Variants in CD274 observed in about 807,000 individuals in gnomAD.
The protein encoded by CD274 is programmed cell death 1 ligand 1.
Under a neutral mutation model 30.1 loss-of-function variants are expected in CD274, and 8 were observed. The observed-to-expected ratio is 0.27, with a 90% CI of 0.16 to 0.48. The LOEUF is 0.48. Among genes scored for constraint, CD274 ranks in the 20% least tolerant of loss-of-function variants. The pLI, the probability that CD274 is intolerant of heterozygous loss-of-function variation, is 0.99. For missense variants in CD274, 353 were observed against 346.6 expected (o/e 1.02, Z -0.15); for synonymous variants, 152 against 124.6 (o/e 1.22, Z -1.46).
chr9:5,455,617 A>G (rs988644653), intron 1 of CD274, among the ~76,000 whole-genome samples: 1 of 152,202 alleles, frequency 6.6e-6, no homozygotes, highest in Non-Finnish European at 1.5e-5. Context: ...CATGGCTGAG[A>G]CAGTGAAGTG....
chr9:5,451,801 G>C (rs992623017), intron 1 of CD274, among the ~76,000 whole-genome samples: 1 of 152,052 alleles, frequency 6.6e-6, no homozygotes, highest in African/African-American at 2.4e-5. Flanking sequence ...ACTTAGTAGA[G>C]GTTTAATAAA....
intron 6 of CD274, among the ~76,000 whole-genome samples, 168 bp from the exon 7 acceptor site, chr9:5,467,672 G>C (rs1819519699): frequency 6.6e-6 from 1 of 152,120 alleles, no homozygotes; most frequent in African/African-American, 2.4e-5. Context: ...GGTTTTCCAG[G>C]ATATCATGTA....
intron 5 of CD274, 196 bp downstream of exon 5, chr9:5,465,802 G>C (rs746707123): frequency 5.7e-5 from 25 of 440,002 alleles, no homozygotes; most frequent in Non-Finnish European, 9.0e-5. Flanking sequence ...CAGGAGAATG[G>C]GTATGGATGG....
intron 4 of CD274, among the ~76,000 whole-genome samples, chr9:5,464,866 C>T (rs1819469612): frequency 6.6e-6 from 1 of 152,116 alleles, no homozygotes; most frequent in Non-Finnish European, 1.5e-5. Flanking sequence ...GTGGGCAGAT[C>T]ACTTGAGGTC....
chr9:5,452,821 A>G (rs1208999089), intron 1 of CD274, among the ~76,000 whole-genome samples: 2 of 152,224 alleles, frequency 1.3e-5, no homozygotes, highest in Non-Finnish European at 2.9e-5. Context: ...AACATTGGCA[A>G]AATTAGTTGT....
In CD274 at chr9:5,469,120, A is replaced by T. The variant is rs1457310340; in HGVS notation, c.*1258A>T. On this transcript the variant is annotated 3_prime_UTR_variant, in exon 7 of 7. Coordinates refer to ENST00000381577, the MANE Select transcript of CD274 (RefSeq NM_014143.4). Reference sequence around the variant, plus strand: ...TTGGATATACTTAAACATCTTAATAATCAGAGTAATTTTCATTTACAAAGA... The same window carrying T: ...TTGGATATACTTAAACATCTTAATATTCAGAGTAATTTTCATTTACAAAGA... 1 of 233,062 alleles carries T rather than the reference A, an allele frequency of 4.3e-6. No homozygotes were observed. The highest frequency in any genetic ancestry group is 2.2e-5 in the African/African-American group (1 of 45,358). 14.4% of individuals were successfully genotyped at this position (233,062 alleles called of 1,614,324 possible). A position where few individuals can be genotyped will look rare whatever the true frequency, so the allele number is the denominator to read the frequency against.
At chr9:5,451,408 A>G (rs577745682) in intron 1 of CD274, among the ~76,000 whole-genome samples, 3 of 152,360 alleles carry the variant, frequency 2.0e-5, no homozygotes, top group Non-Finnish European at 4.4e-5. Context: ...CACTGAACTC[A>G]TTGCATATAT....
chr9:5,467,721 C>G, intron 6 of CD274, 119 bp from the exon 7 acceptor site: 1 of 873,004 alleles, frequency 1.1e-6, no homozygotes, highest in East Asian at 2.5e-5. Context: ...TGCTTTCTCT[C>G]ATTTCAAATT....
In CD274 at chr9:5,468,089, T is replaced by A. The variant is rs1476109954; in HGVS notation, c.*227T>A. 3 of 573,872 alleles carry A rather than the reference T, an allele frequency of 5.2e-6. No individual in the cohort carries two copies. In the East Asian group the frequency reaches 8.5e-5, roughly 16 times the overall value. The allele number at this position is 573,872 out of a possible 1,614,324, so 35.5% of individuals were successfully genotyped here. A position where few individuals can be genotyped will look rare whatever the true frequency, so the allele number is the denominator to read the frequency against. ...GGAGGGAGACCTTGATACTTTCAAA[T>A]GCCTGAGGGGCTCATCGACGCCTGT... On this transcript the variant is annotated 3_prime_UTR_variant, in exon 7 of 7. Coordinates refer to ENST00000381577, the MANE Select transcript of CD274 (RefSeq NM_014143.4).
At position 5,461,712 on chromosome 9, in the gene CD274, G is replaced by A. The variant is rs561963739; in HGVS notation, c.395-1122G>A. On this transcript the variant is annotated intron_variant, in intron 3 of 6. Transcript: ENST00000381577. ...CTTGTAATGAATAAACATGAATAAA[G>A]CTCTTATGCTATATAGGTGCACTAA... 8.5e-5 allele frequency among the ~76,000 whole-genome samples: 13 copies of A among 152,190 alleles called. No homozygotes were observed. The East Asian group carries it at 2.3e-3, about 27-fold the overall frequency.
At position 5,457,407 on chromosome 9, in the gene CD274, T is replaced by C; in HGVS notation, c.381T>C (p.Thr127=). 1 of 1,612,398 alleles carries C rather than the reference T, an allele frequency of 6.2e-7. No individual in the cohort carries two copies. ...SYGGADYKRI[T]VKVNAPYNKI... ...GTGGTGCCGACTACAAGCGAATTAC[T>C]GTGAAAGTCAATGGTAAGAATTATT... Residue 127 remains threonine (T), a synonymous_variant, in exon 3 of 7, where the codon ACT becomes ACC. Coordinates refer to ENST00000381577, the MANE Select transcript of CD274 (RefSeq NM_014143.4).
intron 4 of CD274, among the ~76,000 whole-genome samples, chr9:5,464,338 A>G (rs187489909): frequency 2.6e-5 from 4 of 152,266 alleles, no homozygotes; most frequent in Non-Finnish European, 5.9e-5. Flanking sequence ...AATACCTGGC[A>G]TGCCTAACTC....
chr9:5,460,477 T>G (rs1195773658), intron 3 of CD274, among the ~76,000 whole-genome samples: 1 of 152,162 alleles, frequency 6.6e-6, no homozygotes, highest in Non-Finnish European at 1.5e-5. Flanking sequence ...GTCTGAAATC[T>G]GAGTGTGTCT....
chr9:5,467,606 A>G (rs1352758435), intron 6 of CD274, among the ~76,000 whole-genome samples: 2 of 152,124 alleles, frequency 1.3e-5, no homozygotes, highest in Non-Finnish European at 2.9e-5. Context: ...CTAAGTAGCA[A>G]ATGTTGTTTG....
At chr9:5,456,454 A>T (rs760959282) in intron 2 of CD274, among the ~76,000 whole-genome samples, 1 of 152,220 alleles carries the variant, frequency 6.6e-6, no homozygotes, top group African/African-American at 2.4e-5. Context: ...AATGGCCTGT[A>T]TGTATACATT....
At chr9:5,462,762 T>C in intron 3 of CD274, 72 bp from the exon 4 acceptor site, 1 of 1,378,146 alleles carries the variant, frequency 7.3e-7, no homozygotes, top group Non-Finnish European at 1.0e-6. Context: ...CTTTCTAATG[T>C]GGACAGCATC....
At chr9:5,454,300 T>C (rs1819261557) in intron 1 of CD274, among the ~76,000 whole-genome samples, 1 of 152,202 alleles carries the variant, frequency 6.6e-6, no homozygotes, top group Non-Finnish European at 1.5e-5. Flanking sequence ...CTTCCTTTTT[T>C]CCCTTTAAAA....
chr9:5,451,219 T>A (rs1054554618), intron 1 of CD274, among the ~76,000 whole-genome samples: 2 of 152,332 alleles, frequency 1.3e-5, no homozygotes, highest in Admixed American at 1.3e-4. Context: ...AAAAGTACCA[T>A]TGTTCTACCT....
At chr9:5,456,238 C>A (rs1160128954) in intron 2 of CD274, 73 bp downstream of exon 2, 3 of 942,526 alleles carry the variant, frequency 3.2e-6, no homozygotes, top group South Asian at 2.9e-5. Flanking sequence ...CTAAAATGAT[C>A]ATTTAAAATG....
Sources: allele counts gnomAD v4.1 joint callset (sites outside exome capture counted in the v4.1 genomes callset), GRCh38; gene constraint gnomAD v4.1.1; transcripts MANE v1.5; gene names NCBI Gene and HGNC (gene_info 2026-07-23, HGNC 2026-07-21).